Variants in ANKRD30B observed in about 807,000 individuals in gnomAD.
ANKRD30B encodes ankyrin repeat domain-containing protein 30B.
A neutral mutation model predicts 202.2 loss-of-function variants in ANKRD30B; 144 were observed. The ratio of observed to expected loss-of-function variants is 0.71; its 90% CI spans 0.62 to 0.82. The LOEUF (loss-of-function observed/expected upper bound fraction) is 0.82. Among genes scored for constraint, ANKRD30B ranks in the 40% least tolerant of loss-of-function variants. ANKRD30B has a pLI of 0.00. For synonymous variants in ANKRD30B, 508 were observed against 561.3 expected (o/e 0.91, Z 1.34); for missense variants, 1,487 against 1,669.1 (o/e 0.89, Z 1.90).
intron 16 of ANKRD30B, among the ~76,000 whole-genome samples, chr18:14,793,793 T>C (rs1598628298): frequency 1.3e-5 from 2 of 151,220 alleles, no homozygotes; most frequent in South Asian, 4.2e-4. Context: ...ACTCAGGAGG[T>C]TGAGGCAGGA....
rs185751148 is a variant in ANKRD30B at position 14,751,004 on chromosome 18, C to G, written c.222-1562C>G. Among the ~76,000 whole-genome samples the G allele has an allele frequency of 3.8e-3, 572 of 152,020 alleles. 1 individual carries two copies. The highest frequency in any genetic ancestry group is 5.8e-3 in the Non-Finnish European group (392 of 67,864). On this transcript the variant is annotated intron_variant, in intron 1 of 43. Transcript: ENST00000690538. ...TTAATGAAATAATTTTTGGGAGGAGCAGCAATATGTATTTTGCACAGATGA... is the reference window on the plus strand; with the variant it reads ...TTAATGAAATAATTTTTGGGAGGAGGAGCAATATGTATTTTGCACAGATGA...
At chr18:14,752,807 T>G (rs556937555) in intron 2 of ANKRD30B, 32 bp from the exon 3 acceptor site, 97 of 1,582,720 alleles carry the variant, frequency 6.1e-5, no homozygotes, top group Middle Eastern at 1.7e-4. Flanking sequence ...TTCCTATAAT[T>G]TATAATGTAC....
rs778048283 is a variant in ANKRD30B at position 14,787,117 on chromosome 18, A to AT, written c.1734+24dup. ...GATTCTGAGGTACTATGTGTTATTG[A>AT]TTTTTTTAAATATTAGTATTGCATG... On this transcript the variant is annotated intron_variant, in intron 15 of 43. Transcript: ENST00000690538. 82 of 1,590,418 alleles carry AT rather than the reference A, an allele frequency of 5.2e-5. No homozygotes were observed. In the South Asian group the frequency reaches 7.2e-4, roughly 14 times the overall value.
chr18:14,764,044 G>T lies in ANKRD30B; in HGVS notation c.1179G>T (p.Met393Ile). The T allele has an allele frequency of 7.1e-6, 11 of 1,560,074 alleles. No homozygotes were observed. The highest frequency in any genetic ancestry group is 9.5e-6 in the Non-Finnish European group (11 of 1,159,794). ...TEVLEKGTSNMIACPTKETST... is the reference protein window; with the variant it reads ...TEVLEKGTSNIIACPTKETST... ...TTTTGGAAAAAGGAACATCTAATAT[G>T]ATTGCATGTCCTACAAAAGAAACAT... Residue 393 changes from methionine to isoleucine, a missense_variant, in exon 7 of 44, where the codon ATG (methionine) becomes ATT (isoleucine). Met to Ile is a conservative substitution (Grantham distance 10). Coordinates refer to ENST00000690538, the MANE Select transcript of ANKRD30B (RefSeq NM_001367607.2).
chr18:14,758,164 A>AC (rs1914674006), intron 5 of ANKRD30B, among the ~76,000 whole-genome samples: 1 of 151,922 alleles, frequency 6.6e-6, no homozygotes, highest in Admixed American at 6.6e-5. Flanking sequence ...TTGAAGTATA[A>AC]CCCCTAGGCT....
intron 39 of ANKRD30B, among the ~76,000 whole-genome samples, chr18:14,847,041 G>A (rs867204679): frequency 5.1e-3 from 409 of 80,514 alleles, no homozygotes; most frequent in African/African-American, 0.011. Flanking sequence ...TAATTTTTAT[G>A]ATTTAGTTTT....
At chr18:14,880,700 G>A in the ANKRD30B span, among the ~76,000 whole-genome samples, 1 of 151,222 alleles carries the variant, frequency 6.6e-6, no homozygotes, top group East Asian at 2.0e-4. Flanking sequence ...CGAGTAGCTG[G>A]GATTATAGGC....
intron 12 of ANKRD30B, among the ~76,000 whole-genome samples, chr18:14,784,118 G>A (rs1179465717): frequency 6.6e-6 from 1 of 152,004 alleles, no homozygotes; most frequent in Admixed American, 6.6e-5. Context: ...CGCTTTTGAG[G>A]TCTTAACTGC....
At chr18:14,905,987 T>C in the ANKRD30B span, 1 of 152,128 alleles carries the variant, frequency 6.6e-6, no homozygotes, top group Admixed American at 6.5e-5. Context: ...TTCTTTATGA[T>C]TTGCTTGGCC....
At chr18:14,907,030 A>G in the ANKRD30B span, among the ~76,000 whole-genome samples, 1 of 152,202 alleles carries the variant, frequency 6.6e-6, no homozygotes, top group Non-Finnish European at 1.5e-5. Context: ...CTCAGTTAAG[A>G]TAAGGAATTA....
chr18:14,855,254 A>G (rs1361967561), downstream of ANKRD30B, among the ~76,000 whole-genome samples: 3 of 152,240 alleles, frequency 2.0e-5, no homozygotes, highest in Admixed American at 6.5e-5. Flanking sequence ...ATCCCAAGGC[A>G]GAAGAATTTC....
At chr18:14,826,677 CCTCT>C (rs1161926032) in intron 32 of ANKRD30B, among the ~76,000 whole-genome samples, 8 of 132,960 alleles carry the variant, frequency 6.0e-5, no homozygotes, top group African/African-American at 2.4e-4. Flanking sequence ...TCTCTCTCCC[CCTCT>C]CTCTCTCTCT....
intron 6 of ANKRD30B, 52 bp downstream of exon 6, chr18:14,760,670 G>A: frequency 7.6e-7 from 1 of 1,312,746 alleles, no homozygotes. Flanking sequence ...TAAGATTAGG[G>A]AAGTGCTGAT....
chr18:14,799,863 T>C (rs1002462133), intron 22 of ANKRD30B, among the ~76,000 whole-genome samples: 1 of 152,122 alleles, frequency 6.6e-6, no homozygotes, highest in African/African-American at 2.4e-5. Flanking sequence ...CTTTTTATGC[T>C]ACTGTAATTA....
chr18:14,770,080 C>T (rs1966897106), intron 8 of ANKRD30B, among the ~76,000 whole-genome samples: 1 of 152,212 alleles, frequency 6.6e-6, no homozygotes, highest in Admixed American at 6.5e-5. Flanking sequence ...CAGTTCCCTG[C>T]CTAGTTGCAG....
chr18:14,791,175 G>A (rs1006169090), intron 15 of ANKRD30B, among the ~76,000 whole-genome samples: 2 of 152,064 alleles, frequency 1.3e-5, no homozygotes, highest in African/African-American at 4.8e-5. Flanking sequence ...TAGTTTATTT[G>A]TGTAGAGGTG....
At chr18:14,871,782 C>T in the ANKRD30B span, among the ~76,000 whole-genome samples, 69 of 152,130 alleles carry the variant, frequency 4.5e-4, 1 homozygote, top group South Asian at 1.9e-3. Flanking sequence ...CCCAGCTACT[C>T]GGGAAGCCGA....
At chr18:14,778,235 A>T (rs932778992) in intron 10 of ANKRD30B, among the ~76,000 whole-genome samples, 160 bp downstream of exon 10, 6 of 152,154 alleles carry the variant, frequency 3.9e-5, no homozygotes, top group Non-Finnish European at 8.8e-5. Context: ...TGTTGACAAC[A>T]GATTATATTG....
chr18:14,817,376 G>T (rs1230736823), intron 30 of ANKRD30B, among the ~76,000 whole-genome samples: 1 of 152,104 alleles, frequency 6.6e-6, no homozygotes, highest in Non-Finnish European at 1.5e-5. Context: ...AAAAATAAAA[G>T]TAATAAAAAA....
Sources: allele counts gnomAD v4.1 joint callset (sites outside exome capture counted in the v4.1 genomes callset), GRCh38; gene constraint gnomAD v4.1.1; transcripts MANE v1.5; gene names NCBI Gene and HGNC (gene_info 2026-07-23, HGNC 2026-07-21).